AGBL4: variants seen among roughly 807,000 people sequenced by gnomAD.
AGBL4 encodes cytosolic carboxypeptidase 6.
AGBL4 carries 58 observed loss-of-function variants against 66.4 expected under a neutral mutation model. The observed-to-expected ratio is 0.87, with a 90% confidence interval of 0.71 to 1.09. The LOEUF is 1.09. Ranked by LOEUF, AGBL4 falls within the 50% of genes least tolerant of loss-of-function variation. The pLI is 0.00. For synonymous variants in AGBL4, 234 were observed against 222.9 expected, an observed-to-expected ratio of 1.05 and a Z score of -0.44; for missense variants, 579 against 631.0, an observed-to-expected ratio of 0.92 and a Z score of 0.88.
intron 1 of AGBL4, among the ~76,000 whole-genome samples, chr1:49,881,399 C>T (rs546581444): frequency 1.3e-5 from 2 of 152,116 alleles, no homozygotes; most frequent in Admixed American, 6.5e-5. Context: ...TGGGTATATA[C>T]CCAGTAATGG....
intron 3 of AGBL4, chr1:49,527,737 C>T (rs1650784232): frequency 6.6e-6 from 1 of 152,170 alleles, no homozygotes; most frequent in Non-Finnish European, 1.5e-5. Flanking sequence ...AGCTCGGATC[C>T]TTTCAATCTC....
intron 6 of AGBL4, among the ~76,000 whole-genome samples, chr1:48,830,560 T>A (rs972717694): frequency 5.3e-5 from 8 of 152,180 alleles, no homozygotes; most frequent in Non-Finnish European, 1.0e-4. Context: ...GTCTGATAAG[T>A]TAATAAATGA....
intron 8 of AGBL4, among the ~76,000 whole-genome samples, chr1:48,636,752 C>T (rs1486788471): frequency 2.0e-5 from 3 of 152,242 alleles, no homozygotes; most frequent in Admixed American, 6.5e-5. Context: ...CTGAAACCTG[C>T]TCAGGGTAAT....
chr1:49,653,838 G>A lies in AGBL4; in HGVS notation c.282+43475C>T, dbSNP rs1044885453. 2.0e-5 allele frequency among the ~76,000 whole-genome samples: 3 copies of A among 151,298 alleles called. No individual in the cohort carries two copies. The South Asian group carries it at 6.3e-4, about 32-fold the overall frequency. On this transcript the variant is annotated intron_variant, in intron 3 of 13. Transcript: ENST00000371839. ...ATGGGATTATATAAAAAGACTGAAC[G>A]TACGACTGATAGAGGTATCTGAAAG...
chr1:48,717,957 T>A (rs913227061), intron 6 of AGBL4, among the ~76,000 whole-genome samples: 1 of 152,226 alleles, frequency 6.6e-6, no homozygotes, highest in Admixed American at 6.5e-5. Context: ...TTGCTGTAGC[T>A]TCTGACATAC....
At chr1:49,554,785 A>C (rs1653274479) in intron 3 of AGBL4, among the ~76,000 whole-genome samples, 1 of 152,104 alleles carries the variant, frequency 6.6e-6, no homozygotes, top group African/African-American at 2.4e-5. Flanking sequence ...CCAGAGTTTC[A>C]TCCTTCTGGT....
chr1:48,769,525 A>AC, intron 6 of AGBL4, among the ~76,000 whole-genome samples: 1 of 119,728 alleles, frequency 8.4e-6, no homozygotes, highest in Non-Finnish European at 1.7e-5. Context: ...GGAGGATTTA[A>AC]AACACACACA....
chr1:48,838,542 T>C (rs982798927), intron 6 of AGBL4, among the ~76,000 whole-genome samples: 1 of 152,078 alleles, frequency 6.6e-6, no homozygotes, highest in Admixed American at 6.6e-5. Context: ...CAAATAAAAA[T>C]AGGTTAAAGA....
chr1:49,019,915 G>A (rs1005934200), intron 5 of AGBL4, among the ~76,000 whole-genome samples: 8 of 152,144 alleles, frequency 5.3e-5, no homozygotes, highest in South Asian at 4.1e-4. Flanking sequence ...GAGTAAGGGC[G>A]CACGCTTTAA....
At chr1:50,011,764 T>A (rs1418749367) in intron 1 of AGBL4, among the ~76,000 whole-genome samples, 1 of 152,128 alleles carries the variant, frequency 6.6e-6, no homozygotes. Flanking sequence ...TTATGCTAAG[T>A]GAAATAAACC....
chr1:49,205,970 T>G (rs1458531857), intron 4 of AGBL4, among the ~76,000 whole-genome samples: 2 of 152,138 alleles, frequency 1.3e-5, no homozygotes, highest in African/African-American at 4.8e-5. Context: ...GGAGCAAAGC[T>G]GCTAGAAAAA....
In AGBL4 at chr1:49,117,049, C is replaced by A. The variant is rs889545033; in HGVS notation, c.378-71249G>T. 5.9e-4 allele frequency among the ~76,000 whole-genome samples: 90 copies of A among 151,776 alleles called. 1 individual carries two copies. Among genetic ancestry groups the A allele is most frequent in the Admixed American group, 1.4e-3 (21 of 15,246 alleles). On this transcript the variant is annotated intron_variant, in intron 4 of 13. Coordinates refer to ENST00000371839, the MANE Select transcript of AGBL4 (RefSeq NM_032785.4). ...GAGAAGTGTCTGTTCATATCCTTTGCCCACTTTTTGATGGGGTTTTTTTTT... is the reference window on the plus strand; with the variant it reads ...GAGAAGTGTCTGTTCATATCCTTTGACCACTTTTTGATGGGGTTTTTTTTT...
chr1:48,602,327 G>A (rs934673022), intron 9 of AGBL4, among the ~76,000 whole-genome samples: 2 of 152,188 alleles, frequency 1.3e-5, no homozygotes, highest in Admixed American at 6.5e-5. Flanking sequence ...GACGGATTCA[G>A]TGACTTCTCA....
chr1:49,912,393 T>C (rs1231936294), intron 1 of AGBL4, among the ~76,000 whole-genome samples: 7 of 152,358 alleles, frequency 4.6e-5, no homozygotes, highest in African/African-American at 1.7e-4. Context: ...ATAGGAAGGC[T>C]TCTCTGAGAA....
At chr1:49,921,934 C>A (rs1332074547) in intron 1 of AGBL4, among the ~76,000 whole-genome samples, 1 of 152,060 alleles carries the variant, frequency 6.6e-6, no homozygotes, top group African/African-American at 2.4e-5. Context: ...ACTAATACAA[C>A]CAAAAAAATA....
intron 2 of AGBL4, among the ~76,000 whole-genome samples, chr1:49,769,354 T>C (rs993115168): frequency 6.6e-6 from 1 of 152,120 alleles, no homozygotes; most frequent in South Asian, 2.1e-4. Flanking sequence ...TGCTCAGGTA[T>C]TGTAAGAATC....
At chr1:49,153,180 T>C (rs1393128925) in intron 4 of AGBL4, among the ~76,000 whole-genome samples, 1 of 152,160 alleles carries the variant, frequency 6.6e-6, no homozygotes, top group Non-Finnish European at 1.5e-5. Context: ...CATGATGCCC[T>C]AATCTCAAAA....
At chr1:49,158,694 G>A (rs1038195161) in intron 4 of AGBL4, among the ~76,000 whole-genome samples, 1 of 151,776 alleles carries the variant, frequency 6.6e-6, no homozygotes, top group African/African-American at 2.4e-5. Context: ...ATTATTCTGT[G>A]GGAGTCTAAG....
chr1:48,697,523 G>T (rs1646730979), intron 6 of AGBL4, among the ~76,000 whole-genome samples: 1 of 152,198 alleles, frequency 6.6e-6, no homozygotes, highest in Non-Finnish European at 1.5e-5. Flanking sequence ...AGGAAGCAAA[G>T]ATGAGACTTG....
Sources: allele counts gnomAD v4.1 joint callset (sites outside exome capture counted in the v4.1 genomes callset), GRCh38; gene constraint gnomAD v4.1.1; transcripts MANE v1.5; gene names NCBI Gene and HGNC (gene_info 2026-07-23, HGNC 2026-07-21).